The following FANCD2 variants were observed in gnomAD, a reference collection of about 807,000 sequenced individuals.
The protein encoded by FANCD2 is Fanconi anemia group D2 protein.
In FANCD2, 131 loss-of-function variants were observed where a neutral mutation model predicts 192.3. The observed-to-expected ratio is 0.68, with a 90% CI of 0.59 to 0.79. The LOEUF is 0.79. Among genes scored for constraint, FANCD2 ranks in the 30% least tolerant of loss-of-function variants. FANCD2 has a pLI of 0.00. For missense variants in FANCD2, 1,508 were observed against 1,701.6 expected, an observed-to-expected ratio of 0.89 and a Z score of 2.00; for synonymous variants, 524 against 612.5, an observed-to-expected ratio of 0.86 and a Z score of 2.13.
At chr3:10,026,609 A>G (rs1225419740) in intron 1 of FANCD2, 136 bp downstream of exon 1, 2 of 162,964 alleles carry the variant, frequency 1.2e-5, no homozygotes, top group African/African-American at 4.8e-5. Context: ...CTGCCCTGAG[A>G]TGGGATAATC....
chr3:10,063,729 G>T (rs954792796), intron 20 of FANCD2, 63 bp from the exon 21 acceptor site: 58 of 1,610,108 alleles, frequency 3.6e-5, no homozygotes, highest in African/African-American at 4.0e-5. Flanking sequence ...CTTGAAAGGG[G>T]CGAGTGGAGT....
intron 19 of FANCD2, among the ~76,000 whole-genome samples, chr3:10,060,713 C>G (rs2087541271): frequency 6.6e-6 from 1 of 152,152 alleles, no homozygotes; most frequent in Non-Finnish European, 1.5e-5. Context: ...TTTATCTGCT[C>G]CTGATATAGG....
chr3:10,035,135 A>G (rs1269642456), intron 5 of FANCD2, 38 bp from the exon 6 acceptor site: 2 of 1,555,538 alleles, frequency 1.3e-6, no homozygotes, highest in Admixed American at 1.7e-5. Flanking sequence ...TAAAACAAGG[A>G]AAGCAAAGTG....
At chr3:10,032,236 G>A (rs2086620978) in intron 2 of FANCD2, 2 of 364,484 alleles carry the variant, frequency 5.5e-6, no homozygotes, top group Admixed American at 3.5e-5. Flanking sequence ...TAGTATTTGG[G>A]TGGAAAACAT....
intron 26 of FANCD2, among the ~76,000 whole-genome samples, chr3:10,069,215 GAC>G (rs1337357955): frequency 5.9e-4 from 90 of 152,224 alleles, no homozygotes; most frequent in African/African-American, 2.1e-3. Flanking sequence ...AAAGTGAAGA[GAC>G]AGCCCACAGA....
chr3:10,085,779 C>G, intron 32 of FANCD2, 33 bp from the exon 33 acceptor site: 1 of 1,413,514 alleles, frequency 7.1e-7, no homozygotes, highest in East Asian at 2.3e-5. Context: ...TTTCCAGAAA[C>G]TAAGCTAACC....
At position 10,087,282 on chromosome 3, in the gene FANCD2, T is replaced by C. The variant is rs1166229867; in HGVS notation, c.3466+18T>C. 5.1e-6 allele frequency: 1 copy of C among 195,880 alleles called. No homozygotes were observed. Among genetic ancestry groups the C allele is most frequent in the Non-Finnish European group, 7.8e-6 (1 of 128,568 alleles). The allele number at this position is 195,880 out of a possible 1,614,324, so 12.1% of individuals were successfully genotyped here. On this transcript the variant is annotated intron_variant, in intron 34 of 43. Transcript: ENST00000675286. Reference sequence around the variant, plus strand: ...AAAAATTGGTGATGGGCCTAGATCCTTTTTTTTTTTTTTTTTTTAATGAAT... The same window carrying C: ...AAAAATTGGTGATGGGCCTAGATCCCTTTTTTTTTTTTTTTTTTAATGAAT...
At chr3:10,078,309 G>A in intron 30 of FANCD2, 112 bp downstream of exon 30, 2 of 763,782 alleles carry the variant, frequency 2.6e-6, no homozygotes, top group East Asian at 2.5e-5. Flanking sequence ...TCACTGGGTA[G>A]CATGGGTGCA....
intron 36 of FANCD2, among the ~76,000 whole-genome samples, chr3:10,089,597 G>A (rs1287066875): frequency 2.0e-5 from 3 of 152,094 alleles, no homozygotes; most frequent in Admixed American, 6.6e-5. Flanking sequence ...AGCCTTTCAA[G>A]TAACTGGGAT....
At chr3:10,047,432 G>A (rs565407117) in intron 15 of FANCD2, among the ~76,000 whole-genome samples, 37 of 152,276 alleles carry the variant, frequency 2.4e-4, no homozygotes, top group Non-Finnish European at 5.4e-4. Flanking sequence ...TTATTAACTG[G>A]TTATTTAGTC....
At position 10,039,367 on chromosome 3, in the gene FANCD2, T is replaced by G. The variant is rs1320621470; in HGVS notation, c.570+10T>G. 2 of 1,604,258 alleles carry G rather than the reference T, an allele frequency of 1.2e-6. No individual in the cohort carries two copies. The highest frequency in any genetic ancestry group is 1.7e-6 in the Non-Finnish European group (2 of 1,171,286). On this transcript the variant is annotated intron_variant, in intron 8 of 43. Coordinates refer to ENST00000675286, the MANE Select transcript of FANCD2 (RefSeq NM_001018115.3). ...AGTTGTGGATGGCAAGGTAGGCTTA[T>G]GGACTTTATCTCTTGAATTTAAAGA...
At chr3:10,047,322 A>T (rs1196040516) in intron 15 of FANCD2, among the ~76,000 whole-genome samples, 7 of 152,304 alleles carry the variant, frequency 4.6e-5, no homozygotes, top group African/African-American at 1.7e-4. Flanking sequence ...CAGAAACCAC[A>T]TGTAATTTTT....
intron 30 of FANCD2, among the ~76,000 whole-genome samples, chr3:10,079,921 CTT>C (rs1158025491): frequency 6.9e-6 from 1 of 144,968 alleles, no homozygotes; most frequent in African/African-American, 2.5e-5. Context: ...TCTTCGTCTT[CTT>C]TTTTTTTTTT....
At chr3:10,082,354 T>C (rs1326827761) in intron 32 of FANCD2, among the ~76,000 whole-genome samples, 3 of 152,186 alleles carry the variant, frequency 2.0e-5, no homozygotes, top group African/African-American at 7.2e-5. Flanking sequence ...TCTCTCAACC[T>C]GGACTGGGCT....
At chr3:10,087,086 A>T (rs1393721686) in intron 33 of FANCD2, 48 bp from the exon 34 acceptor site, 1 of 1,606,440 alleles carries the variant, frequency 6.2e-7, no homozygotes, top group South Asian at 1.1e-5. Flanking sequence ...TATATCTGTG[A>T]CACATAGGAT....
chr3:10,044,389 C>T (rs569603392), intron 14 of FANCD2, among the ~76,000 whole-genome samples: 67 of 151,616 alleles, frequency 4.4e-4, no homozygotes, highest in African/African-American at 1.3e-3. Context: ...GATGATTGGC[C>T]GGGCGCGGTA....
intron 34 of FANCD2, 112 bp downstream of exon 34, chr3:10,087,376 A>T (rs2125073955): frequency 2.0e-6 from 2 of 1,012,756 alleles, no homozygotes. Flanking sequence ...TCCCCACATA[A>T]CCTTGGATAG....
At chr3:10,075,648 G>A (rs929520935) in intron 29 of FANCD2, among the ~76,000 whole-genome samples, 1 of 151,116 alleles carries the variant, frequency 6.6e-6, no homozygotes, top group African/African-American at 2.4e-5. Context: ...ATTTCTCTAG[G>A]TTTAAGAGAA....
chr3:10,082,796 T>C (rs1245787865), intron 32 of FANCD2, among the ~76,000 whole-genome samples: 1 of 152,226 alleles, frequency 6.6e-6, no homozygotes, highest in Non-Finnish European at 1.5e-5. Flanking sequence ...TATAATTACT[T>C]GTTCATCAGT....
Sources: allele counts gnomAD v4.1 joint callset (sites outside exome capture counted in the v4.1 genomes callset), GRCh38; gene constraint gnomAD v4.1.1; transcripts MANE v1.5; gene names NCBI Gene and HGNC (gene_info 2026-07-23, HGNC 2026-07-21).